EDARADD: variants seen among roughly 807,000 people sequenced by gnomAD.
The protein encoded by EDARADD is ectodysplasin-A receptor-associated adapter protein.
Under a neutral mutation model 25.6 loss-of-function variants are expected in EDARADD, and 20 were observed. The ratio of observed to expected loss-of-function variants is 0.78; its 90% CI spans 0.55 to 1.14. The LOEUF is 1.14. EDARADD is among the 50% of genes most tolerant of loss of function. The probability of loss-of-function intolerance (pLI) is 0.00; values close to 1 mark genes in which losing one functional copy is unlikely to be tolerated. For missense variants in EDARADD, 225 were observed against 270.1 expected, an observed-to-expected ratio of 0.83 and a Z score of 1.17; for synonymous variants, 86 against 94.4, an observed-to-expected ratio of 0.91 and a Z score of 0.52.
At chr1:236,429,798 C>T (rs1301995591) in intron 4 of EDARADD, among the ~76,000 whole-genome samples, 2 of 152,174 alleles carry the variant, frequency 1.3e-5, no homozygotes, top group East Asian at 3.8e-4. Flanking sequence ...TGGGGACTTC[C>T]TTGGTCAGTT....
At chr1:236,375,457 A>G (rs1369402103) in intron 3 of EDARADD, among the ~76,000 whole-genome samples, 1 of 152,038 alleles carries the variant, frequency 6.6e-6, no homozygotes, top group East Asian at 1.9e-4. Context: ...GGAATTTGAG[A>G]CCAGCCTGGC....
chr1:236,459,319 A>G (rs1658975812), intron 4 of EDARADD, among the ~76,000 whole-genome samples: 1 of 152,132 alleles, frequency 6.6e-6, no homozygotes, highest in South Asian at 2.1e-4. Flanking sequence ...TTTCTGAATA[A>G]TAATAAACTC....
rs751036394 is a variant in EDARADD at position 236,468,312 on chromosome 1, G to C, written c.265+36G>C. ...GATTCTAAAGCTATCTGGGCTAATA[G>C]CTAGTGTGGCTGAATAAAAGATAAT... On this transcript the variant is annotated intron_variant, in intron 5 of 5. Coordinates refer to ENST00000334232, the MANE Select transcript of EDARADD (RefSeq NM_145861.4). 2.3e-5 allele frequency: 37 copies of C among 1,603,016 alleles called. No homozygotes were observed. In the South Asian group the frequency reaches 4.0e-4, roughly 17 times the overall value.
chr1:236,453,219 A>G (rs1400767484), intron 4 of EDARADD, among the ~76,000 whole-genome samples: 1 of 152,090 alleles, frequency 6.6e-6, no homozygotes, highest in Non-Finnish European at 1.5e-5. Flanking sequence ...CTGCATAATA[A>G]AGTTTACTGT....
chr1:236,444,884 AT>A (rs1658491881), intron 4 of EDARADD, among the ~76,000 whole-genome samples: 1 of 152,010 alleles, frequency 6.6e-6, no homozygotes, highest in Admixed American at 6.6e-5. Context: ...TGTAGTTTTT[AT>A]TTCTTTCATC....
intron 4 of EDARADD, among the ~76,000 whole-genome samples, chr1:236,465,949 G>A (rs1003858787): frequency 1.3e-5 from 2 of 152,128 alleles, no homozygotes; most frequent in Non-Finnish European, 2.9e-5. Flanking sequence ...TCTGCATCAC[G>A]GGGATGATTC....
At chr1:236,450,403 T>C (rs1658678823) in intron 4 of EDARADD, among the ~76,000 whole-genome samples, 1 of 152,074 alleles carries the variant, frequency 6.6e-6, no homozygotes, top group African/African-American at 2.4e-5. Context: ...GTATAGACAA[T>C]GGAATGTCTT....
At chr1:236,427,723 T>C (rs2103016222) in intron 4 of EDARADD, among the ~76,000 whole-genome samples, 1 of 152,182 alleles carries the variant, frequency 6.6e-6, no homozygotes, top group East Asian at 1.9e-4. Context: ...GAAAGGAGAG[T>C]TGTTTTCTTT....
intron 3 of EDARADD, among the ~76,000 whole-genome samples, chr1:236,375,723 CA>C (rs1188121684): frequency 1.4e-5 from 2 of 146,772 alleles, no homozygotes; most frequent in African/African-American, 2.5e-5. Flanking sequence ...CCTGTTTCTA[CA>C]AAAAATTTAA....
intron 2 of EDARADD, among the ~76,000 whole-genome samples, chr1:236,413,568 C>T (rs76261885): frequency 0.032 from 4,850 of 152,104 alleles, 234 homozygotes; most frequent in African/African-American, 0.11. Flanking sequence ...CTTTTCATTC[C>T]TCTCATGGAC....
Position 236,395,336 on chromosome 1 carries a change from C to T in EDARADD, c.61+831C>T, listed in dbSNP as rs1205607319. ...CTCGGGGCCCCGCCTTGCGTCCCAG[C>T]CCCGGGTCGCGGCACCCCGGCTCCC... On this transcript the variant is annotated intron_variant, in intron 1 of 5. Coordinates refer to ENST00000334232, the MANE Select transcript of EDARADD (RefSeq NM_145861.4). This position sits in a 1 kb window ranked among gnomAD's most constrained non-coding sequence, Gnocchi z 6.9. 4.6e-6 allele frequency: 6 copies of T among 1,312,270 alleles called. No homozygotes were observed. Among genetic ancestry groups the T allele is most frequent in the Admixed American group, 3.5e-5 (1 of 28,188 alleles). The allele number at this position is 1,312,270 out of a possible 1,614,324, so 81.3% of individuals were successfully genotyped here. A position where few individuals can be genotyped will look rare whatever the true frequency, so the allele number is the denominator to read the frequency against.
chr1:236,414,374 T>C (rs1309728777), intron 3 of EDARADD, 75 bp downstream of exon 3: 1 of 1,213,856 alleles, frequency 8.2e-7, no homozygotes, highest in African/African-American at 1.5e-5. Context: ...TCGACCTAAT[T>C]TTTCATTATT....
At chr1:236,349,843 G>A (rs1373746856) in intron 2 of EDARADD, among the ~76,000 whole-genome samples, 1 of 152,206 alleles carries the variant, frequency 6.6e-6, no homozygotes, top group African/African-American at 2.4e-5. Flanking sequence ...CAGGCGCGGT[G>A]GCTCACGCCT....
intron 4 of EDARADD, among the ~76,000 whole-genome samples, chr1:236,467,420 A>G (rs1008120951): frequency 1.1e-5 from 1 of 92,146 alleles, no homozygotes; most frequent in Non-Finnish European, 2.0e-5. Flanking sequence ...GGAAGCACAC[A>G]CACGCGCACA....
intron 3 of EDARADD, among the ~76,000 whole-genome samples, chr1:236,367,814 G>A (rs563003303): frequency 4.6e-5 from 7 of 152,196 alleles, no homozygotes; most frequent in Non-Finnish European, 5.9e-5. Context: ...AAGCATAATC[G>A]GAGTATACTC....
chr1:236,427,562 C>A, intron 4 of EDARADD, 112 bp downstream of exon 4: 1 of 1,062,744 alleles, frequency 9.4e-7, no homozygotes, highest in South Asian at 1.5e-5. Flanking sequence ...ATTTCTAGAT[C>A]ATAAACAGGG....
At chr1:236,467,776 T>A (rs1245948121) in intron 4 of EDARADD, among the ~76,000 whole-genome samples, 1 of 151,910 alleles carries the variant, frequency 6.6e-6, no homozygotes, top group Admixed American at 6.6e-5. Context: ...TTTTTTTTTT[T>A]CTTTGAGATC....
chr1:236,479,171 A>T (rs542402882), intron 5 of EDARADD, among the ~76,000 whole-genome samples: 1 of 152,170 alleles, frequency 6.6e-6, no homozygotes, highest in South Asian at 2.1e-4. Context: ...TGGAAATTAA[A>T]AAAGAAAAAA....
intron 1 of EDARADD, among the ~76,000 whole-genome samples, chr1:236,405,815 T>TCCCTTC (rs1558112611): frequency 1.4e-5 from 2 of 138,604 alleles, no homozygotes; most frequent in African/African-American, 3.0e-5. Flanking sequence ...TTTCTTTCCT[T>TCCCTTC]CCTTCCTTTC....
Sources: allele counts gnomAD v4.1 joint callset (sites outside exome capture counted in the v4.1 genomes callset), GRCh38; gene constraint gnomAD v4.1.1; non-coding constraint Gnocchi (gnomAD v3.1); transcripts MANE v1.5; gene names NCBI Gene and HGNC (gene_info 2026-07-23, HGNC 2026-07-21).